TGM1: variants seen among roughly 807,000 people sequenced by gnomAD.
The protein encoded by TGM1 is transglutaminase 1, also known as protein-glutamine gamma-glutamyltransferase K.
In TGM1, 63 loss-of-function variants were observed where a neutral mutation model predicts 88.7. That is an observed-to-expected ratio of 0.71 (90% CI 0.58 to 0.88). The LOEUF is 0.88. Ranked by LOEUF, TGM1 falls within the 40% of genes least tolerant of loss-of-function variation. The probability of loss-of-function intolerance (pLI) is 0.00; values close to 1 mark genes in which losing one functional copy is unlikely to be tolerated. For synonymous variants in TGM1, 415 were observed against 431.1 expected, an observed-to-expected ratio of 0.96 and a Z score of 0.46; for missense variants, 996 against 1,118.0, an observed-to-expected ratio of 0.89 and a Z score of 1.56.
chr14:24,257,649 T>G (rs2040765482), intron 9 of TGM1, among the ~76,000 whole-genome samples: 1 of 152,216 alleles, frequency 6.6e-6, no homozygotes, highest in Non-Finnish European at 1.5e-5. Flanking sequence ...GGTCACTCCA[T>G]CTCTCTGGCC....
rs1178856773 is a variant in TGM1, at chr14:24,262,640, C to A, written c.-2-286G>T. 2.0e-5 allele frequency among the ~76,000 whole-genome samples: 3 copies of A among 152,240 alleles called. No homozygotes were observed. The East Asian group carries it at 5.8e-4, about 29-fold the overall frequency. ...CACTCAACGATCCATCCCAGGAAAT[C>A]CACATAGTTCCCTGCATGGACACTT... is the stretch of plus-strand genomic sequence containing the variant. On this transcript the variant is annotated intron_variant, in intron 1 of 14. Coordinates refer to ENST00000206765, the MANE Select transcript of TGM1 (RefSeq NM_000359.3).
At chr14:24,257,059 C>G (rs920156125) in intron 9 of TGM1, among the ~76,000 whole-genome samples, 1 of 152,212 alleles carries the variant, frequency 6.6e-6, no homozygotes, top group Admixed American at 6.5e-5. Context: ...GCCCTGAGCC[C>G]CCTGCCTGAT....
At chr14:24,262,487 C>T (rs2040822688) in intron 1 of TGM1, 133 bp from the exon 2 acceptor site, 6 of 953,212 alleles carry the variant, frequency 6.3e-6, no homozygotes, top group South Asian at 1.4e-5. Context: ...AGAGATTCTC[C>T]AGACACATCC....
rs1343700472 is a variant in TGM1 at position 24,258,266 on chromosome 14, A to G, written c.1402+19T>C. 1 of 1,583,432 alleles carries G rather than the reference A, an allele frequency of 6.3e-7. No individual in the cohort carries two copies. The highest frequency in any genetic ancestry group is 8.7e-7 in the Non-Finnish European group (1 of 1,154,064). On this transcript the variant is annotated intron_variant, in intron 9 of 14. Transcript: ENST00000206765. ...GGAGATAAGCAGGGGCATGGTGGGG[A>G]GTGGGGGGCCCAGCTTACCACTGCT...
chr14:24,258,711 T>A (rs1566378619), intron 7 of TGM1, 38 bp from the exon 8 acceptor site: 1 of 1,610,240 alleles, frequency 6.2e-7, no homozygotes, highest in Non-Finnish European at 8.5e-7. Context: ...AGGCATGGGT[T>A]GGGGGCAAGT....
chr14:24,255,326 T>C lies in TGM1; in HGVS notation c.1645+38A>G. 1 of 1,614,154 alleles carries C rather than the reference T, an allele frequency of 6.2e-7. No individual in the cohort carries two copies. The highest frequency in any genetic ancestry group is 8.5e-7 in the Non-Finnish European group (1 of 1,180,016). On this transcript the variant is annotated intron_variant, in intron 11 of 14. Coordinates refer to ENST00000206765, the MANE Select transcript of TGM1 (RefSeq NM_000359.3). The surrounding 1 kb of genome is among the most constrained non-coding windows in gnomAD (Gnocchi z 4.0). ...CCAAGCACTTGGCAGGAACACTTGT[T>C]GTGGGGCCCAGAGCTGGCTGGGTTG...
At chr14:24,254,330 G>C (rs778980787) in intron 13 of TGM1, 42 bp from the exon 14 acceptor site, 1 of 1,613,646 alleles carries the variant, frequency 6.2e-7, no homozygotes, top group Non-Finnish European at 8.5e-7. Context: ...AGAGACCCTG[G>C]CCAAACACAC....
In TGM1 at chr14:24,260,322, A is replaced by C. The variant is rs963347919; in HGVS notation, c.757+128T>G. On this transcript the variant is annotated intron_variant, in intron 4 of 14. Coordinates refer to ENST00000206765, the MANE Select transcript of TGM1 (RefSeq NM_000359.3). ...TTCTGCACCAGGCCTCGGTCCTCTCATCTGCCCAATGGGAGGCTGGCTTCT... is the reference window on the plus strand; with the variant it reads ...TTCTGCACCAGGCCTCGGTCCTCTCCTCTGCCCAATGGGAGGCTGGCTTCT... 35 of 1,468,212 alleles carry C rather than the reference A, an allele frequency of 2.4e-5. No individual in the cohort carries two copies. The Admixed American group carries it at 2.5e-4, about 11-fold the overall frequency. 90.9% of individuals were successfully genotyped at this position (1,468,212 alleles called of 1,614,324 possible). A position where few individuals can be genotyped will look rare whatever the true frequency, so the allele number is the denominator to read the frequency against.
rs779502732 is a variant in TGM1, at chr14:24,258,677, T to A, written c.1160-4A>T. 85 of 1,613,422 alleles carry A rather than the reference T, an allele frequency of 5.3e-5. No individual in the cohort carries two copies. The highest frequency in any genetic ancestry group is 7.2e-5 in the Non-Finnish European group (85 of 1,179,550). On this transcript the variant is annotated splice_region_variant and splice_polypyrimidine_tract_variant and intron_variant, in intron 7 of 14. Coordinates refer to ENST00000206765, the MANE Select transcript of TGM1 (RefSeq NM_000359.3). Reference sequence around the variant, plus strand: ...GCCAGACCCAGGCAGCGCAGCACTGTGGAGGAGCGAAGGTTGGGGTTCAAG... The same window carrying A: ...GCCAGACCCAGGCAGCGCAGCACTGAGGAGGAGCGAAGGTTGGGGTTCAAG...
In TGM1 at chr14:24,258,403, A is replaced by G; in HGVS notation, c.1299-15T>C. ...CATGGAAGTTCCTGGATGGACATGGAGGAGGGGCTGGGTCTGAGCCCCAGG... is the reference window on the plus strand; with the variant it reads ...CATGGAAGTTCCTGGATGGACATGGGGGAGGGGCTGGGTCTGAGCCCCAGG... On this transcript the variant is annotated splice_polypyrimidine_tract_variant and intron_variant, in intron 8 of 14. Transcript: ENST00000206765. 1 of 1,613,888 alleles carries G rather than the reference A, an allele frequency of 6.2e-7. No individual in the cohort carries two copies. The highest frequency in any genetic ancestry group is 1.7e-5 in the Admixed American group (1 of 60,006).
intron 14 of TGM1, among the ~76,000 whole-genome samples, chr14:24,249,977 G>C (rs2040687293): frequency 6.6e-6 from 1 of 152,140 alleles, no homozygotes; most frequent in South Asian, 2.1e-4. Context: ...GTTTTGACAA[G>C]AGCATAGGTT....
intron 9 of TGM1, among the ~76,000 whole-genome samples, chr14:24,256,352 G>A (rs1234934646): frequency 6.6e-6 from 1 of 152,236 alleles, no homozygotes; most frequent in South Asian, 2.1e-4. Flanking sequence ...GAGGATGGGG[G>A]CAGGGTACAG....
At chr14:24,250,739 C>T (rs549992986) in intron 14 of TGM1, among the ~76,000 whole-genome samples, 5 of 152,336 alleles carry the variant, frequency 3.3e-5, no homozygotes, top group African/African-American at 1.2e-4. Context: ...CTGAGCTCCT[C>T]CAGCAATCTG....
chr14:24,254,661 C>T lies in TGM1; in HGVS notation c.2088+3G>A. ...CCCTCATGCCCCAGCAAACTGCATT[C>T]ACCGTGAGGGAGAGGTCTGGGGTGC... On this transcript the variant is annotated splice_donor_region_variant and intron_variant, in intron 13 of 14. Transcript: ENST00000206765. 6.2e-7 allele frequency: 1 copy of T among 1,613,792 alleles called. No individual in the cohort carries two copies. The highest frequency in any genetic ancestry group is 8.5e-7 in the Non-Finnish European group (1 of 1,180,036).
intron 2 of TGM1, 65 bp from the exon 3 acceptor site, chr14:24,261,948 C>T (rs748219812): frequency 1.2e-4 from 193 of 1,609,932 alleles, no homozygotes; most frequent in Non-Finnish European, 1.6e-4. Flanking sequence ...TCATTAGCTT[C>T]CTATCCCCCC....
chr14:24,249,492 C>G lies in TGM1; in HGVS notation c.2275G>C (p.Val759Leu). 1 of 1,614,134 alleles carries G rather than the reference C, an allele frequency of 6.2e-7. No individual in the cohort carries two copies. ...ATGAGCTGGCGGGGGCCTGGTCGCA[C>G]AGGCACAAACGACTGGCGCAGTGTC... ...TVTLRQSFVP[V>L]RPGPRQLIAS... Residue 759 changes from valine to leucine, a missense_variant, in exon 15 of 15, where the codon GTG becomes CTG. Coordinates refer to ENST00000206765, the MANE Select transcript of TGM1 (RefSeq NM_000359.3).
In TGM1 at chr14:24,259,854, A is replaced by C; in HGVS notation, c.877-43T>G. 1 of 1,609,798 alleles carries C rather than the reference A, an allele frequency of 6.2e-7. No homozygotes were observed. Among genetic ancestry groups the C allele is most frequent in the Non-Finnish European group, 8.5e-7 (1 of 1,177,026 alleles). On this transcript the variant is annotated intron_variant, in intron 5 of 14. Transcript: ENST00000206765. This position sits in a 1 kb window ranked among gnomAD's most constrained non-coding sequence, Gnocchi z 5.7. ...GGGCAGAGGTGACAGCCTGAACCCT[A>C]GGCCAGCACCCTGCTCCAATACCCC... is the stretch of plus-strand genomic sequence containing the variant.
chr14:24,258,255 G>T (rs1448328845), intron 9 of TGM1, 30 bp downstream of exon 9: 1 of 1,550,624 alleles, frequency 6.4e-7, no homozygotes, highest in Non-Finnish European at 8.9e-7. Context: ...ATAAGCAGGG[G>T]CATGGTGGGG....
rs1413596818 is a variant in TGM1, at chr14:24,255,551, G to A, written c.1492-34C>T. 6.2e-7 allele frequency: 1 copy of A among 1,611,696 alleles called. No homozygotes were observed. Among genetic ancestry groups the A allele is most frequent in the Non-Finnish European group, 8.5e-7 (1 of 1,179,942 alleles). Reference sequence around the variant, plus strand: ...GGTGGGGGTGAGCAGGAATGAGTGAGCCAGAGGGTCTGAGGGTGGCCTGAC... The same window carrying A: ...GGTGGGGGTGAGCAGGAATGAGTGAACCAGAGGGTCTGAGGGTGGCCTGAC... On this transcript the variant is annotated intron_variant, in intron 10 of 14. Coordinates refer to ENST00000206765, the MANE Select transcript of TGM1 (RefSeq NM_000359.3). The surrounding 1 kb of genome is among the most constrained non-coding windows in gnomAD (Gnocchi z 4.0).
Sources: allele counts gnomAD v4.1 joint callset (sites outside exome capture counted in the v4.1 genomes callset), GRCh38; gene constraint gnomAD v4.1.1; non-coding constraint Gnocchi (gnomAD v3.1); transcripts MANE v1.5; gene names NCBI Gene and HGNC (gene_info 2026-07-23, HGNC 2026-07-21).